Variants in DBNDD1 observed in about 807,000 individuals in gnomAD.
DBNDD1 encodes the protein dysbindin domain-containing protein 1.
DBNDD1 carries 14 observed loss-of-function variants against 17.0 expected under a neutral mutation model. The observed-to-expected ratio is 0.82, with a 90% CI of 0.54 to 1.29. The LOEUF (loss-of-function observed/expected upper bound fraction) is 1.29. DBNDD1 is among the 50% of genes most tolerant of loss of function. The pLI, the probability that DBNDD1 is intolerant of heterozygous loss-of-function variation, is 0.00. For missense variants in DBNDD1, 221 were observed against 216.2 expected, an observed-to-expected ratio of 1.02 and a Z score of -0.14; for synonymous variants, 105 against 102.0, an observed-to-expected ratio of 1.03 and a Z score of -0.18.
Position 90,009,299 on chromosome 16 carries a change from C to A in DBNDD1, c.163G>T (p.Val55Phe). Residue 55 changes from valine to phenylalanine, a missense_variant, in exon 2 of 4, where the codon GTC (valine) becomes TTC (phenylalanine). Val to Phe is a conservative substitution (Grantham distance 50). Transcript: ENST00000002501. Reference sequence around the variant, plus strand: ...CAGTACTTACGCCTCCTCTCCGTGACCTGCAGGAGCCCCGGTGCTGGTACT... The same window carrying A: ...CAGTACTTACGCCTCCTCTCCGTGAACTGCAGGAGCCCCGGTGCTGGTACT... ...IPVPAPGLLQVTERRQPLSSV... is the reference protein window; with the variant it reads ...IPVPAPGLLQFTERRQPLSSV... 6.2e-7 allele frequency: 1 copy of A among 1,613,478 alleles called. No homozygotes were observed. Among genetic ancestry groups the A allele is most frequent in the Non-Finnish European group, 8.5e-7 (1 of 1,179,984 alleles).
intron 2 of DBNDD1, 99 bp downstream of exon 2, chr16:90,009,185 C>G: frequency 1.3e-6 from 2 of 1,530,566 alleles, no homozygotes; most frequent in Non-Finnish European, 1.7e-6. Flanking sequence ...CCTAGACCCC[C>G]CAGGGAGTGT....
rs1418066940 is a variant in DBNDD1 at position 90,005,714 on chromosome 16, C to G, written c.*621G>C. 1 of 153,142 alleles carries G rather than the reference C, an allele frequency of 6.5e-6. No individual in the cohort carries two copies. The highest frequency in any genetic ancestry group is 1.5e-5 in the Non-Finnish European group (1 of 68,700). The allele number at this position is 153,142 out of a possible 1,614,324, so 9.5% of individuals were successfully genotyped here. On this transcript the variant is annotated 3_prime_UTR_variant, in exon 4 of 4. Transcript: ENST00000002501. ...AGCAGGTGCAGGTCTTAGAGCTGAG[C>G]CTTGGGGAGGGGACCCTAGTGAGAC...
chr16:90,009,483 C>G (rs778362510), intron 1 of DBNDD1, 53 bp from the exon 2 acceptor site: 2 of 1,597,786 alleles, frequency 1.3e-6, no homozygotes, highest in East Asian at 4.5e-5. Context: ...CCCACATCCC[C>G]CCAGGACGCG....
intron 1 of DBNDD1, among the ~76,000 whole-genome samples, chr16:90,014,376 T>C (rs550778052): frequency 2.4e-4 from 36 of 152,084 alleles, no homozygotes; most frequent in African/African-American, 7.5e-4. Context: ...CCGCCCGCCT[T>C]GGCCTCCCAA....
chr16:90,016,648 C>T (rs944918768), intron 1 of DBNDD1, among the ~76,000 whole-genome samples: 4 of 152,096 alleles, frequency 2.6e-5, no homozygotes, highest in Non-Finnish European at 5.9e-5. Context: ...AGTTGGGGTG[C>T]CTCAGCCCGG....
rs1385209269 is a variant in DBNDD1, at chr16:90,004,883, GT to G, written c.*1451del. ...CTGTGGCCAGGCCTTCGAATGCGCA[GT>G]GATGCTTTAATCCCCCTGTTTGCAA... On this transcript the variant is annotated 3_prime_UTR_variant, in exon 4 of 4. Coordinates refer to ENST00000002501, the MANE Select transcript of DBNDD1 (RefSeq NM_001042610.3). 6.5e-6 allele frequency: 1 copy of G among 152,780 alleles called. No individual in the cohort carries two copies. Among genetic ancestry groups the G allele is most frequent in the Non-Finnish European group, 1.5e-5 (1 of 68,142 alleles). 9.5% of individuals were successfully genotyped at this position (152,780 alleles called of 1,614,324 possible).
intron 1 of DBNDD1, among the ~76,000 whole-genome samples, chr16:90,015,326 T>A (rs1335741183): frequency 2.6e-5 from 4 of 152,210 alleles, no homozygotes; most frequent in Non-Finnish European, 4.4e-5. Context: ...GATCTTGGCA[T>A]GAAGAGCGTG....
Position 90,019,045 on chromosome 16 carries a change from C to T in DBNDD1, c.31+266G>A, listed in dbSNP as rs2035710102. 6.6e-6 allele frequency among the ~76,000 whole-genome samples: 1 copy of T among 152,204 alleles called. No individual in the cohort carries two copies. Among genetic ancestry groups the T allele is most frequent in the Non-Finnish European group, 1.5e-5 (1 of 68,020 alleles). On this transcript the variant is annotated intron_variant, in intron 1 of 3. Coordinates refer to ENST00000002501, the MANE Select transcript of DBNDD1 (RefSeq NM_001042610.3). The surrounding 1 kb of genome is among the most constrained non-coding windows in gnomAD (Gnocchi z 6.1). ...TGGGAGGGGGCTCAGGACGAAACTC[C>T]GGGCCACCCACCAAGGAGCGTGCCG...
intron 1 of DBNDD1, chr16:90,011,757 A>G: frequency 2.3e-6 from 1 of 436,532 alleles, no homozygotes. Context: ...GCCCACCCCC[A>G]AGCCCAGCAG....
chr16:90,016,454 A>G (rs556247291), intron 1 of DBNDD1, among the ~76,000 whole-genome samples: 33 of 152,296 alleles, frequency 2.2e-4, no homozygotes, highest in African/African-American at 7.7e-4. Flanking sequence ...CTCCAGGGCC[A>G]GGGCAGAGGC....
intron 1 of DBNDD1, among the ~76,000 whole-genome samples, chr16:90,011,079 G>A (rs760674873): frequency 3.3e-5 from 5 of 152,258 alleles, no homozygotes; most frequent in Non-Finnish European, 5.9e-5. Flanking sequence ...CTTGTCAGAT[G>A]GATAGGTGCC....
At chr16:90,006,663 G>A (rs1209024728) in intron 3 of DBNDD1, 171 bp from the exon 4 acceptor site, 2 of 852,772 alleles carry the variant, frequency 2.3e-6, no homozygotes, top group Non-Finnish European at 3.5e-6. Context: ...CCACACACTG[G>A]CCCCACCAGA....
rs868365720 is a variant in DBNDD1, at chr16:90,008,588, C to T, written c.319+196G>A. On this transcript the variant is annotated intron_variant, in intron 3 of 3. Coordinates refer to ENST00000002501, the MANE Select transcript of DBNDD1 (RefSeq NM_001042610.3). ...CCAAGGGGCCTCAGCCCACCACGCA[C>T]ACCTCTCAGGACTTCCCAAGGGGCC... Among the ~76,000 whole-genome samples, 2 of 81,344 alleles carry T rather than the reference C, an allele frequency of 2.5e-5. 1 individual carries two copies. Among genetic ancestry groups the T allele is most frequent in the Admixed American group, 2.4e-4 (2 of 8,204 alleles). 53.4% of individuals were successfully genotyped at this position (81,344 alleles called of 152,430 possible).
Position 90,019,181 on chromosome 16 carries a change from AC to A in DBNDD1, c.31+129del. The A allele has an allele frequency of 2.5e-6, 1 of 397,220 alleles. No individual in the cohort carries two copies. The highest frequency in any genetic ancestry group is 4.2e-6 in the Non-Finnish European group (1 of 239,738). 24.6% of individuals were successfully genotyped at this position (397,220 alleles called of 1,614,324 possible). A position where few individuals can be genotyped will look rare whatever the true frequency, so the allele number is the denominator to read the frequency against. On this transcript the variant is annotated intron_variant, in intron 1 of 3. Coordinates refer to ENST00000002501, the MANE Select transcript of DBNDD1 (RefSeq NM_001042610.3). This position sits in a 1 kb window ranked among gnomAD's most constrained non-coding sequence, Gnocchi z 6.1. ...CCGGGAGGTGCCCCTGGCCCGCCGG[AC>A]GACCCCGAGCTGCCAAAGGGGTCTT...
At chr16:90,013,273 A>AAAAAAAAAAAAAAAAAAAC (rs2035587893) in intron 1 of DBNDD1, among the ~76,000 whole-genome samples, 1 of 145,386 alleles carries the variant, frequency 6.9e-6, no homozygotes, top group African/African-American at 2.6e-5. Context: ...AAAAAAAAAA[A>AAAAAAAAAAAAAAAAAAAC]AAAAAAAAAA....
At chr16:90,006,840 C>G (rs1440768873) in intron 3 of DBNDD1, 1 of 245,018 alleles carries the variant, frequency 4.1e-6, no homozygotes, top group East Asian at 7.7e-5. Context: ...GCCAACCACC[C>G]TCCATGAGCC....
chr16:90,010,108 C>T lies in DBNDD1; in HGVS notation c.32-678G>A, dbSNP rs571380114. 4.8e-4 allele frequency: 730 copies of T among 1,532,852 alleles called. 3 individuals are homozygous for T. The African/African-American group carries it at 9.2e-3, about 19-fold the overall frequency. 95.0% of individuals were successfully genotyped at this position (1,532,852 alleles called of 1,614,324 possible). ...TCACCCAGGCTGGAGTGCAGTGGTG[C>T]AATCTCGGCTCACTGCAACCTCTGC... On this transcript the variant is annotated intron_variant, in intron 1 of 3. Transcript: ENST00000002501.
chr16:90,011,267 G>C (rs1262724214), intron 1 of DBNDD1, among the ~76,000 whole-genome samples: 1 of 152,238 alleles, frequency 6.6e-6, no homozygotes, highest in African/African-American at 2.4e-5. Flanking sequence ...CCTGTGAGGG[G>C]TGGGCCTGTC....
Position 90,009,366 on chromosome 16 carries a change from G to T in DBNDD1, c.96C>A (p.Asp32Glu). Residue 32 changes from aspartate (D) to glutamate (E), a missense_variant, in exon 2 of 4, where the codon GAC becomes GAA. Transcript: ENST00000002501. ...ALGVPAQGTG[D>E]NGHTPVEEEV... ...CCTCCTCCACAGGCGTGTGGCCATT[G>T]TCCCCTGTCCCCTGGGCTGGGACGC... 1 of 1,613,360 alleles carries T rather than the reference G, an allele frequency of 6.2e-7. No homozygotes were observed. Among genetic ancestry groups the T allele is most frequent in the Non-Finnish European group, 8.5e-7 (1 of 1,179,966 alleles).
Sources: gnomAD v4.1 joint callset for allele counts (sites outside exome capture counted in the v4.1 genomes callset) on GRCh38, gnomAD v4.1.1 for gene constraint, Gnocchi (gnomAD v3.1) non-coding constraint, MANE v1.5 for transcripts, NCBI Gene and HGNC (gene_info 2026-07-23, HGNC 2026-07-21) for gene names.